STPG2: variants seen among roughly 807,000 people sequenced by gnomAD.
The protein encoded by STPG2 is sperm tail PG-rich repeat containing 2.
Under a neutral mutation model 54.2 loss-of-function variants are expected in STPG2, and 56 were observed. That is an observed-to-expected ratio of 1.03 (90% CI 0.83 to 1.29). The LOEUF (loss-of-function observed/expected upper bound fraction) is 1.29, where lower values mean the gene tolerates loss of function less well. STPG2 is among the 50% of genes most tolerant of loss of function. STPG2 has a pLI of 0.00. For missense variants in STPG2, 596 were observed against 544.9 expected, an observed-to-expected ratio of 1.09 and a Z score of -0.93; for synonymous variants, 200 against 181.8, an observed-to-expected ratio of 1.10 and a Z score of -0.81.
intron 8 of STPG2, among the ~76,000 whole-genome samples, chr4:97,878,531 T>G (rs935872581): frequency 2.6e-5 from 4 of 152,232 alleles, no homozygotes; most frequent in Non-Finnish European, 4.4e-5. Context: ...GCTTGGAGCA[T>G]GCACCCTGTG....
At chr4:97,860,442 C>T (rs188245759) in intron 8 of STPG2, among the ~76,000 whole-genome samples, 46 of 150,930 alleles carry the variant, frequency 3.0e-4, no homozygotes, top group Non-Finnish European at 4.9e-4. Flanking sequence ...AGGTCTTTCA[C>T]CTCCTTGGTC....
At chr4:97,601,784 G>A (rs746169033) in intron 10 of STPG2, among the ~76,000 whole-genome samples, 2 of 151,770 alleles carry the variant, frequency 1.3e-5, no homozygotes, top group South Asian at 2.1e-4. Flanking sequence ...TTAGGAGTGT[G>A]TTATATATTC....
intron 9 of STPG2, among the ~76,000 whole-genome samples, chr4:97,797,380 G>C (rs1254782219): frequency 6.6e-6 from 1 of 152,130 alleles, no homozygotes; most frequent in African/African-American, 2.4e-5. Flanking sequence ...CTAATTTCTT[G>C]AGAGTTTTTA....
intron 5 of STPG2, among the ~76,000 whole-genome samples, chr4:98,029,082 A>G (rs12233867): frequency 0.39 from 59,917 of 151,892 alleles, 12,051 homozygotes; most frequent in Middle Eastern, 0.46. Context: ...AATATATTAA[A>G]ACTTGTTTTA....
chr4:97,806,665 C>T (rs1012333783), intron 9 of STPG2, among the ~76,000 whole-genome samples: 18 of 152,026 alleles, frequency 1.2e-4, no homozygotes, highest in African/African-American at 3.9e-4. Context: ...AAACTAGGTT[C>T]ATCAATGATA....
chr4:97,768,773 C>T (rs553859300), intron 9 of STPG2, among the ~76,000 whole-genome samples: 1 of 151,988 alleles, frequency 6.6e-6, no homozygotes, highest in Non-Finnish European at 1.5e-5. Flanking sequence ...ACGATCTCAG[C>T]TCACTGCAAT....
At chr4:97,992,881 C>G (rs1341956178) in intron 5 of STPG2, among the ~76,000 whole-genome samples, 1 of 152,046 alleles carries the variant, frequency 6.6e-6, no homozygotes, top group Non-Finnish European at 1.5e-5. Context: ...TGATTCTCAG[C>G]TTAATCACTG....
chr4:97,568,514 T>C (rs1732514000), intron 10 of STPG2, among the ~76,000 whole-genome samples: 1 of 152,084 alleles, frequency 6.6e-6, no homozygotes, highest in African/African-American at 2.4e-5. Flanking sequence ...CACACACACA[T>C]GCACTCTGCT....
intron 4 of STPG2, among the ~76,000 whole-genome samples, chr4:97,475,028 TG>T (rs1730036730): frequency 6.6e-6 from 1 of 152,122 alleles, no homozygotes; most frequent in African/African-American, 2.4e-5. Flanking sequence ...GCATATTTTT[TG>T]TTAAAAATAT....
At chr4:97,969,656 G>C (rs369045750) in intron 7 of STPG2, among the ~76,000 whole-genome samples, 1 of 152,068 alleles carries the variant, frequency 6.6e-6, no homozygotes, top group South Asian at 2.1e-4. Flanking sequence ...TTGATGGCAC[G>C]TATCTCAAAA....
chr4:97,742,104 T>C (rs1172027759), intron 9 of STPG2, among the ~76,000 whole-genome samples: 6 of 151,714 alleles, frequency 4.0e-5, no homozygotes, highest in African/African-American at 7.3e-5. Context: ...CTCAGTAAAC[T>C]ATCGCAAGAA....
At chr4:97,452,213 G>T (rs1045152499) in intron 4 of STPG2, among the ~76,000 whole-genome samples, 1 of 149,718 alleles carries the variant, frequency 6.7e-6, no homozygotes, top group Non-Finnish European at 1.5e-5. Flanking sequence ...TGGGGGCCCA[G>T]GAAGGCCCTC....
rs1387986612 is a variant in STPG2 at position 97,944,030 on chromosome 4, A to G, written c.934-23T>C. The G allele has an allele frequency of 2.7e-6, 4 of 1,468,914 alleles. No homozygotes were observed. In the South Asian group the frequency reaches 4.6e-5, roughly 17 times the overall value. The allele number at this position is 1,468,914 out of a possible 1,614,324, so 91.0% of individuals were successfully genotyped here. A position where few individuals can be genotyped will look rare whatever the true frequency, so the allele number is the denominator to read the frequency against. ...TTCCTGTTGAAAGAAGGGGTTAAAAAGAGTACATCATTTATTTTTATCAAT... is the reference window on the plus strand; with the variant it reads ...TTCCTGTTGAAAGAAGGGGTTAAAAGGAGTACATCATTTATTTTTATCAAT... On this transcript the variant is annotated intron_variant, in intron 7 of 10. Coordinates refer to ENST00000295268, the MANE Select transcript of STPG2 (RefSeq NM_174952.3).
intron 9 of STPG2, among the ~76,000 whole-genome samples, chr4:97,789,908 T>G (rs1354854580): frequency 6.6e-6 from 1 of 152,176 alleles, no homozygotes; most frequent in African/African-American, 2.4e-5. Context: ...CTTTTTAGTC[T>G]TCTCTCCTTT....
chr4:97,937,876 C>A (rs892895072), intron 8 of STPG2, among the ~76,000 whole-genome samples: 1 of 152,160 alleles, frequency 6.6e-6, no homozygotes, highest in Non-Finnish European at 1.5e-5. Context: ...GGCGCAGGAA[C>A]CAAGACCCAT....
intron 9 of STPG2, among the ~76,000 whole-genome samples, chr4:97,754,665 A>G (rs1381239956): frequency 6.6e-6 from 1 of 151,906 alleles, no homozygotes; most frequent in East Asian, 1.9e-4. Context: ...GTAGATGCCC[A>G]CTCTCCTAAA....
intron 8 of STPG2, among the ~76,000 whole-genome samples, chr4:97,923,084 G>A (rs757561395): frequency 4.0e-4 from 61 of 152,226 alleles, no homozygotes; most frequent in Non-Finnish European, 7.3e-4. Context: ...AGAGGTGACA[G>A]CGTGCTGGCA....
intron 5 of STPG2, among the ~76,000 whole-genome samples, chr4:97,990,190 CCT>C (rs1263011895): frequency 6.6e-6 from 1 of 152,136 alleles, no homozygotes; most frequent in African/African-American, 2.4e-5. Flanking sequence ...AGAAATACTT[CCT>C]TTTTCTTTTC....
chr4:97,974,279 C>T (rs1378042638), intron 6 of STPG2, among the ~76,000 whole-genome samples: 1 of 152,088 alleles, frequency 6.6e-6, no homozygotes, highest in Non-Finnish European at 1.5e-5. Context: ...GGCCTGTACC[C>T]CCATTGTATC....
Sources: allele counts gnomAD v4.1 joint callset (sites outside exome capture counted in the v4.1 genomes callset), GRCh38; gene constraint gnomAD v4.1.1; transcripts MANE v1.5; gene names NCBI Gene and HGNC (gene_info 2026-07-23, HGNC 2026-07-21).